The following MPZL1 variants were observed in gnomAD, a reference collection of about 807,000 sequenced individuals.
MPZL1 encodes myelin protein zero like 1, also known as myelin protein zero-like protein 1.
Under a neutral mutation model 29.3 loss-of-function variants are expected in MPZL1, and 16 were observed. That is an observed-to-expected ratio of 0.55 (90% CI 0.37 to 0.83). MPZL1 has a LOEUF of 0.83. Among genes scored for constraint, MPZL1 ranks in the 40% least tolerant of loss-of-function variants. MPZL1 has a pLI of 0.00. For missense variants in MPZL1, 279 were observed against 332.9 expected (o/e 0.84, Z 1.26); for synonymous variants, 143 against 132.0 (o/e 1.08, Z -0.57).
intron 1 of MPZL1, among the ~76,000 whole-genome samples, chr1:167,754,037 G>A (rs1406446937): frequency 1.3e-5 from 2 of 151,910 alleles, no homozygotes; most frequent in African/African-American, 4.8e-5. Context: ...TCACTCTGTT[G>A]CCCAGGCTGG....
intron 1 of MPZL1, among the ~76,000 whole-genome samples, chr1:167,751,290 G>A (rs1660749629): frequency 6.6e-6 from 1 of 152,134 alleles, no homozygotes; most frequent in Admixed American, 6.5e-5. Flanking sequence ...CCATCAAAAT[G>A]GTTGTGATGT....
chr1:167,760,724 A>G (rs1660967298), intron 1 of MPZL1, among the ~76,000 whole-genome samples: 1 of 150,842 alleles, frequency 6.6e-6, no homozygotes, highest in South Asian at 2.1e-4. Context: ...GATGCCAATT[A>G]CATCCAAGCA....
chr1:167,773,866 T>C (rs1223162743), intron 4 of MPZL1: 1 of 148,148 alleles, frequency 6.8e-6, no homozygotes, highest in Non-Finnish European at 1.5e-5. Context: ...GAATCTAGCC[T>C]AGGCAACATA....
intron 2 of MPZL1, among the ~76,000 whole-genome samples, chr1:167,770,439 C>T (rs1661214562): frequency 6.6e-6 from 1 of 152,204 alleles, no homozygotes; most frequent in Non-Finnish European, 1.5e-5. Flanking sequence ...TTGCTGAAAG[C>T]AGGACTGAGG....
Position 167,789,785 on chromosome 1 carries a change from A to G in MPZL1, c.*1864A>G, listed in dbSNP as rs1661670300. ...GCCTGCCCTGCTGCCTTCCATGTTC[A>G]TAGGCCCAGCCCAAGAGAGTGACAC... On this transcript the variant is annotated 3_prime_UTR_variant, in exon 6 of 6. Coordinates refer to ENST00000359523, the MANE Select transcript of MPZL1 (RefSeq NM_003953.6). 1 of 152,332 alleles carries G rather than the reference A, an allele frequency of 6.6e-6. No homozygotes were observed. The highest frequency in any genetic ancestry group is 6.5e-5 in the Admixed American group (1 of 15,282). The allele number at this position is 152,332 out of a possible 1,614,324, so 9.4% of individuals were successfully genotyped here.
intron 1 of MPZL1, among the ~76,000 whole-genome samples, chr1:167,753,891 A>T (rs906660485): frequency 2.0e-5 from 3 of 151,912 alleles, no homozygotes; most frequent in African/African-American, 7.3e-5. Context: ...CAGCTTCCCA[A>T]AGTGTTGGGA....
chr1:167,763,636 A>T (rs1661045658), intron 1 of MPZL1, among the ~76,000 whole-genome samples: 2 of 152,206 alleles, frequency 1.3e-5, no homozygotes, highest in Non-Finnish European at 2.9e-5. Flanking sequence ...TAAGGGTTGC[A>T]AGCCAGTGCT....
At chr1:167,731,744 TG>T (rs1179906047) in intron 1 of MPZL1, among the ~76,000 whole-genome samples, 1 of 150,038 alleles carries the variant, frequency 6.7e-6, no homozygotes. Context: ...AGCCTAAAAC[TG>T]TGTCTCAAAA....
chr1:167,739,958 G>A (rs774807724), intron 1 of MPZL1, among the ~76,000 whole-genome samples: 7 of 151,912 alleles, frequency 4.6e-5, no homozygotes, highest in Non-Finnish European at 7.4e-5. Flanking sequence ...TTTTGTATTC[G>A]TTACTTCCTG....
rs78469322 is a variant in MPZL1, at chr1:167,776,300, A to G, written c.708+134A>G. 1.9e-3 allele frequency: 1,033 copies of G among 539,340 alleles called. 10 individuals are homozygous for G. Among genetic ancestry groups the G allele is most frequent in the African/African-American group, 0.018 (914 of 51,026 alleles). 33.4% of individuals were successfully genotyped at this position (539,340 alleles called of 1,614,324 possible). A position where few individuals can be genotyped will look rare whatever the true frequency, so the allele number is the denominator to read the frequency against. On this transcript the variant is annotated intron_variant, in intron 5 of 5. Coordinates refer to ENST00000359523, the MANE Select transcript of MPZL1 (RefSeq NM_003953.6). ...GACAGACAGACAGAGACAAAGAGAG[A>G]GTGGGAGTGAGGAATTAAAGGGCTG...
chr1:167,778,394 T>C (rs761267450), intron 5 of MPZL1, among the ~76,000 whole-genome samples: 1 of 132,784 alleles, frequency 7.5e-6, no homozygotes, highest in Non-Finnish European at 1.6e-5. Context: ...TATAGTGGTG[T>C]GTACCTGTAG....
At chr1:167,776,250 C>A in intron 5 of MPZL1, 84 bp downstream of exon 5, 2 of 958,518 alleles carry the variant, frequency 2.1e-6, no homozygotes, top group Non-Finnish European at 3.2e-6. Context: ...GAAAAGAATA[C>A]TGAGCTATGA....
chr1:167,734,848 T>A (rs1660344419), intron 1 of MPZL1, among the ~76,000 whole-genome samples: 1 of 152,116 alleles, frequency 6.6e-6, no homozygotes, highest in Admixed American at 6.5e-5. Flanking sequence ...TCATAAGAAT[T>A]TAGGGATTCA....
chr1:167,763,241 G>GC (rs1293868711), intron 1 of MPZL1, among the ~76,000 whole-genome samples: 2 of 152,190 alleles, frequency 1.3e-5, no homozygotes, highest in Non-Finnish European at 2.9e-5. Context: ...AAGGCTGGGT[G>GC]CGGTGGCTCA....
chr1:167,781,566 A>G (rs555564088), intron 5 of MPZL1, among the ~76,000 whole-genome samples: 4 of 152,310 alleles, frequency 2.6e-5, no homozygotes, highest in South Asian at 4.1e-4. Flanking sequence ...TGTGAGATAT[A>G]GCTAAAGAAG....
In MPZL1 at chr1:167,776,112, G is replaced by T. The variant is rs1381916466; in HGVS notation, c.654G>T (p.Lys218Asn). 4 of 1,612,634 alleles carry T rather than the reference G, an allele frequency of 2.5e-6. No individual in the cohort carries two copies. The highest frequency in any genetic ancestry group is 2.5e-6 in the Non-Finnish European group (3 of 1,179,266). Reference sequence around the variant, plus strand: ...CACCAGTTAAGCAGGCTCCTCGGAAGTCCCCCTCCGACACTGAGGGTCTTG... The same window carrying T: ...CACCAGTTAAGCAGGCTCCTCGGAATTCCCCCTCCGACACTGAGGGTCTTG... ...SLSPVKQAPR[K>N]SPSDTEGLVK... The change falls in exon 5 of 6, where the codon AAG becomes AAT. Residue 218 changes from lysine (K) to asparagine (N), a missense_variant. Lys to Asn is a moderately conservative substitution (Grantham distance 94, BLOSUM62 0). Transcript: ENST00000359523.
chr1:167,744,510 CCT>C (rs796417777), intron 1 of MPZL1, among the ~76,000 whole-genome samples: 91 of 152,016 alleles, frequency 6.0e-4, no homozygotes, highest in African/African-American at 2.0e-3. Context: ...ATGGCAAACC[CCT>C]GTCTCTACTA....
intron 2 of MPZL1, among the ~76,000 whole-genome samples, chr1:167,767,138 T>C (rs1661131003): frequency 6.6e-6 from 1 of 152,116 alleles, no homozygotes; most frequent in Non-Finnish European, 1.5e-5. Context: ...AGTCTAGAGG[T>C]CTTTATAAGA....
chr1:167,763,765 C>T (rs539825420), intron 1 of MPZL1, among the ~76,000 whole-genome samples: 2 of 152,248 alleles, frequency 1.3e-5, no homozygotes, highest in South Asian at 2.1e-4. Flanking sequence ...CTTTTGTTTG[C>T]ATCTCCTCTG....
Sources: gnomAD v4.1 joint callset for allele counts (sites outside exome capture counted in the v4.1 genomes callset) on GRCh38, gnomAD v4.1.1 for gene constraint, MANE v1.5 for transcripts, NCBI Gene and HGNC (gene_info 2026-07-23, HGNC 2026-07-21) for gene names.